The following HECTD4 variants were observed in gnomAD, a reference collection of about 807,000 sequenced individuals.
The protein encoded by HECTD4 is HECT domain E3 ubiquitin protein ligase 4, also known as probable E3 ubiquitin-protein ligase HECTD4.
HECTD4 carries 114 observed loss-of-function variants against 471.5 expected under a neutral mutation model. The observed-to-expected ratio is 0.24, with a 90% CI of 0.21 to 0.28. The LOEUF is 0.28. Among genes scored for constraint, HECTD4 ranks in the 10% least tolerant of loss-of-function variants. HECTD4 has a pLI of 1.00. For missense variants in HECTD4, 3,866 were observed against 5,651.5 expected (o/e 0.68, Z 10.13); for synonymous variants, 2,012 against 2,256.0 (o/e 0.89, Z 3.07).
intron 18 of HECTD4, among the ~76,000 whole-genome samples, chr12:112,260,720 G>A (rs2034126600): frequency 6.6e-6 from 1 of 151,354 alleles, no homozygotes; most frequent in African/African-American, 2.4e-5. Context: ...GGGACTACAG[G>A]TGCCTGCCAC....
chr12:112,305,977 G>T, intron 7 of HECTD4, 87 bp downstream of exon 7: 2 of 1,253,374 alleles, frequency 1.6e-6, no homozygotes, highest in Non-Finnish European at 2.2e-6. Flanking sequence ...CACGCTGCAA[G>T]GTTCTTAGGC....
At chr12:112,366,261 A>G (rs2036555791) in intron 1 of HECTD4, among the ~76,000 whole-genome samples, 1 of 152,160 alleles carries the variant, frequency 6.6e-6, no homozygotes, top group African/African-American at 2.4e-5. Context: ...TAATCCCAGC[A>G]CTTTGGGAGG....
rs1217653022 is a variant in HECTD4 at position 112,185,097 on chromosome 12, T to A, written c.9869A>T (p.Asp3290Val). The change falls in exon 61 of 76, where the codon GAC becomes GTC. Residue 3290 changes from aspartate (D) to valine (V), a missense_variant. Transcript: ENST00000682272. ...GGAGGACGAGGAGGAGGAGGACGAG[T>A]CACTGAGATTTGGGGCGGTCGCTGA... ...VTSATAPNLS[D>V]SSSSSSSSPG... 2 of 1,571,374 alleles carry A rather than the reference T, an allele frequency of 1.3e-6. No individual in the cohort carries two copies. Among genetic ancestry groups the A allele is most frequent in the Admixed American group, 3.8e-5 (2 of 52,798 alleles).
intron 70 of HECTD4, among the ~76,000 whole-genome samples, chr12:112,168,934 G>A (rs923560872): frequency 8.5e-5 from 13 of 152,208 alleles, no homozygotes; most frequent in African/African-American, 2.9e-4. Context: ...CTGCGTTCCC[G>A]TGGGGGCAGA....
rs763520101 is a variant in HECTD4, at chr12:112,188,421, G to A, written c.9472+2365C>T. On this transcript the variant is annotated intron_variant, in intron 60 of 75. Transcript: ENST00000682272. The surrounding 1 kb of genome is among the most constrained non-coding windows in gnomAD (Gnocchi z 4.2). ...TCTAGAACCACAAGATGGACCACACGTTTGTGCCAAGGTCTCCTTCATACC... is the reference window on the plus strand; with the variant it reads ...TCTAGAACCACAAGATGGACCACACATTTGTGCCAAGGTCTCCTTCATACC... 6.6e-6 allele frequency among the ~76,000 whole-genome samples: 1 copy of A among 152,202 alleles called. No individual in the cohort carries two copies. The highest frequency in any genetic ancestry group is 1.5e-5 in the Non-Finnish European group (1 of 68,032).
intron 4 of HECTD4, 70 bp downstream of exon 4, chr12:112,312,947 T>C (rs1469399135): frequency 4.7e-6 from 6 of 1,278,420 alleles, no homozygotes; most frequent in Non-Finnish European, 6.5e-6. Flanking sequence ...CCATATCATT[T>C]GCTACAGTGA....
At chr12:112,248,283 T>C (rs773089743) in intron 26 of HECTD4, 37 bp downstream of exon 26, 1 of 1,544,222 alleles carries the variant, frequency 6.5e-7, no homozygotes, top group Non-Finnish European at 8.8e-7. Context: ...TAAATTTCCA[T>C]AAAAGAAATT....
chr12:112,285,607 A>G lies in HECTD4; in HGVS notation c.1336-2305T>C, dbSNP rs144858647. On this transcript the variant is annotated intron_variant, in intron 7 of 75. Coordinates refer to ENST00000682272, the MANE Select transcript of HECTD4 (RefSeq NM_001388303.1). Reference sequence around the variant, plus strand: ...CAGGGATCCACCTGCCTTGTTTGCCATAACATCCCCAGCACTTAGGAGGCA... The same window carrying G: ...CAGGGATCCACCTGCCTTGTTTGCCGTAACATCCCCAGCACTTAGGAGGCA... Among the ~76,000 whole-genome samples the G allele has an allele frequency of 7.4e-3, 1,129 of 152,278 alleles. 13 individuals are homozygous for G. Among genetic ancestry groups the G allele is most frequent in the African/African-American group, 0.026 (1,090 of 41,566 alleles).
At chr12:112,294,613 T>C (rs551474031) in intron 7 of HECTD4, among the ~76,000 whole-genome samples, 5 of 152,256 alleles carry the variant, frequency 3.3e-5, no homozygotes, top group African/African-American at 1.2e-4. Flanking sequence ...TCTATTCTTT[T>C]CCATCTTATC....
intron 43 of HECTD4, 84 bp from the exon 44 acceptor site, chr12:112,226,842 A>T (rs1032947108): frequency 9.1e-6 from 9 of 989,144 alleles, no homozygotes; most frequent in Non-Finnish European, 1.2e-5. Flanking sequence ...ATTTCAATCA[A>T]TTTTGCCCCC....
intron 52 of HECTD4, among the ~76,000 whole-genome samples, chr12:112,206,973 C>T (rs774129559): frequency 1.1e-4 from 17 of 152,052 alleles, no homozygotes; most frequent in South Asian, 4.1e-4. Flanking sequence ...TAGAGACAGA[C>T]GCTTTTGGAA....
intron 49 of HECTD4, 111 bp downstream of exon 49, chr12:112,212,376 T>A: frequency 1.2e-6 from 1 of 839,616 alleles, no homozygotes; most frequent in Non-Finnish European, 1.9e-6. Flanking sequence ...TGCCATTGTG[T>A]ACCAATATTA....
rs896209051 is a variant in HECTD4 at position 112,239,615 on chromosome 12, T to C, written c.5105+266A>G. 6.6e-6 allele frequency among the ~76,000 whole-genome samples: 1 copy of C among 152,220 alleles called. No individual in the cohort carries two copies. Among genetic ancestry groups the C allele is most frequent in the Non-Finnish European group, 1.5e-5 (1 of 68,032 alleles). On this transcript the variant is annotated intron_variant, in intron 33 of 75. Transcript: ENST00000682272. The surrounding 1 kb of genome is among the most constrained non-coding windows in gnomAD (Gnocchi z 4.9). Reference sequence around the variant, plus strand: ...AAAATATTTCTGCCAAATATGTAAGTAATTTCCTAGGGACCTTTTATTTTT... The same window carrying C: ...AAAATATTTCTGCCAAATATGTAAGCAATTTCCTAGGGACCTTTTATTTTT...
At chr12:112,346,302 T>C (rs1295478497) in intron 1 of HECTD4, among the ~76,000 whole-genome samples, 1 of 152,222 alleles carries the variant, frequency 6.6e-6, no homozygotes, top group East Asian at 1.9e-4. Context: ...ATTCCCCCTA[T>C]GCCTTCTGCC....
At chr12:112,362,068 T>C (rs1167143324) in intron 1 of HECTD4, among the ~76,000 whole-genome samples, 2 of 152,172 alleles carry the variant, frequency 1.3e-5, no homozygotes, top group African/African-American at 2.4e-5. Context: ...ACAATGTATG[T>C]AGGAATTGTC....
rs1277056590 is a variant in HECTD4, at chr12:112,194,162, A to G, written c.8750-488T>C. Among the ~76,000 whole-genome samples, 2 of 152,232 alleles carry G rather than the reference A, an allele frequency of 1.3e-5. No individual in the cohort carries two copies. The highest frequency in any genetic ancestry group is 3.2e-3 in the Middle Eastern group (1 of 316). On this transcript the variant is annotated intron_variant, in intron 56 of 75. Coordinates refer to ENST00000682272, the MANE Select transcript of HECTD4 (RefSeq NM_001388303.1). The surrounding 1 kb of genome is among the most constrained non-coding windows in gnomAD (Gnocchi z 4.6). ...GATGGGCTGTGGACCCCAGGCGCTC[A>G]TATGGACCAGTAGCGATGTAGTGCA... is the stretch of plus-strand genomic sequence containing the variant.
chr12:112,380,346 G>A (rs1198489844), intron 1 of HECTD4, among the ~76,000 whole-genome samples: 2 of 152,138 alleles, frequency 1.3e-5, no homozygotes, highest in Non-Finnish European at 2.9e-5. Context: ...TCGGGAGGCA[G>A]AGGCAGGAGA....
At position 112,194,812 on chromosome 12, in the gene HECTD4, G is replaced by T; in HGVS notation, c.8749+73C>A. ...TGAGGCATTTCTCGCCCTCATGCAG[G>T]GAATGACTACACTGTGCACAGCGCC... is the stretch of plus-strand genomic sequence containing the variant. On this transcript the variant is annotated intron_variant, in intron 56 of 75. Coordinates refer to ENST00000682272, the MANE Select transcript of HECTD4 (RefSeq NM_001388303.1). This position sits in a 1 kb window ranked among gnomAD's most constrained non-coding sequence, Gnocchi z 4.6. 7.3e-7 allele frequency: 1 copy of T among 1,368,142 alleles called. No homozygotes were observed. The highest frequency in any genetic ancestry group is 2.5e-5 in the East Asian group (1 of 40,098). The allele number at this position is 1,368,142 out of a possible 1,614,324, so 84.8% of individuals were successfully genotyped here. A position where few individuals can be genotyped will look rare whatever the true frequency, so the allele number is the denominator to read the frequency against.
Position 112,163,392 on chromosome 12 carries a change from G to A in HECTD4, c.12898-128C>T, listed in dbSNP as rs2030781454. 2 of 1,063,340 alleles carry A rather than the reference G, an allele frequency of 1.9e-6. No individual in the cohort carries two copies. Among genetic ancestry groups the A allele is most frequent in the Non-Finnish European group, 1.3e-6 (1 of 740,972 alleles). The allele number at this position is 1,063,340 out of a possible 1,614,324, so 65.9% of individuals were successfully genotyped here. ...GCAACGTGTGGGCTGTGAGCACAGGGAGATGACAATGATGACAATGATACA... is the reference window on the plus strand; with the variant it reads ...GCAACGTGTGGGCTGTGAGCACAGGAAGATGACAATGATGACAATGATACA... On this transcript the variant is annotated intron_variant, in intron 74 of 75. Coordinates refer to ENST00000682272, the MANE Select transcript of HECTD4 (RefSeq NM_001388303.1). This position sits in a 1 kb window ranked among gnomAD's most constrained non-coding sequence, Gnocchi z 8.2.
Sources: gnomAD v4.1 joint callset for allele counts (sites outside exome capture counted in the v4.1 genomes callset) on GRCh38, gnomAD v4.1.1 for gene constraint, Gnocchi (gnomAD v3.1) non-coding constraint, MANE v1.5 for transcripts, NCBI Gene and HGNC (gene_info 2026-07-23, HGNC 2026-07-21) for gene names.